PLCB1: variants seen among roughly 807,000 people sequenced by gnomAD.
PLCB1 encodes phospholipase C beta 1, also known as 1-phosphatidylinositol 4,5-bisphosphate phosphodiesterase beta-1.
A neutral mutation model predicts 161.8 loss-of-function variants in PLCB1; 46 were observed. That is an observed-to-expected ratio of 0.28 (90% CI 0.22 to 0.36). The LOEUF (loss-of-function observed/expected upper bound fraction) is 0.36, where lower values mean the gene tolerates loss of function less well. Among genes scored for constraint, PLCB1 ranks in the 10% least tolerant of loss-of-function variants. The probability of loss-of-function intolerance (pLI) is 1.00; values close to 1 mark genes in which losing one functional copy is unlikely to be tolerated. For missense variants in PLCB1, 1,016 were observed against 1,472.5 expected (o/e 0.69, Z 5.07); for synonymous variants, 517 against 503.7 (o/e 1.03, Z -0.35).
At chr20:8,618,359 T>C (rs934348176) in intron 3 of PLCB1, among the ~76,000 whole-genome samples, 9 of 152,138 alleles carry the variant, frequency 5.9e-5, no homozygotes, top group Non-Finnish European at 1.3e-4. Context: ...TTCCTTTCTA[T>C]TCCCTATTTA....
At chr20:8,788,605 TTC>T (rs770041918) in intron 28 of PLCB1, 26 bp from the exon 29 acceptor site, 1 of 1,597,894 alleles carries the variant, frequency 6.3e-7, no homozygotes, top group African/African-American at 1.3e-5. Flanking sequence ...TGCCTCTTTT[TTC>T]TCTTTTACTT....
chr20:8,808,391 T>A (rs1389173861), intron 31 of PLCB1, among the ~76,000 whole-genome samples: 1 of 152,180 alleles, frequency 6.6e-6, no homozygotes, highest in Non-Finnish European at 1.5e-5. Flanking sequence ...CTGGCACTTC[T>A]TCCTTTTCTT....
rs943481112 is a variant in PLCB1 at position 8,778,990 on chromosome 20, AT to A, written c.3111+4272del. 5.3e-4 allele frequency among the ~76,000 whole-genome samples: 80 copies of A among 152,332 alleles called. 1 individual carries two copies. The highest frequency in any genetic ancestry group is 1.9e-3 in the African/African-American group (78 of 41,568). On this transcript the variant is annotated intron_variant, in intron 27 of 31. Transcript: ENST00000338037. ...CTATCTTTGCTGGTGGTTCTAAGTA[AT>A]GAACAGGCCTCCCAGGCTAAATTAG... is the stretch of plus-strand genomic sequence containing the variant.
At chr20:8,374,568 A>G (rs769768345) in intron 3 of PLCB1, among the ~76,000 whole-genome samples, 1 of 152,220 alleles carries the variant, frequency 6.6e-6, no homozygotes, top group African/African-American at 2.4e-5. Flanking sequence ...CTAGCTGCCT[A>G]TCAGAGAATT....
intron 2 of PLCB1, among the ~76,000 whole-genome samples, chr20:8,266,265 C>G (rs1981951563): frequency 6.6e-6 from 1 of 152,188 alleles, no homozygotes; most frequent in South Asian, 2.1e-4. Flanking sequence ...TGCCTACACT[C>G]AGCTCTGTAT....
chr20:8,693,010 G>A (rs1042271246), intron 10 of PLCB1, among the ~76,000 whole-genome samples: 5 of 152,118 alleles, frequency 3.3e-5, no homozygotes, highest in African/African-American at 4.8e-5. Flanking sequence ...AGACCCTGAA[G>A]CATATCAGAA....
intron 2 of PLCB1, among the ~76,000 whole-genome samples, chr20:8,297,855 A>G (rs968077755): frequency 2.4e-4 from 34 of 144,678 alleles, no homozygotes; most frequent in Non-Finnish European, 4.5e-4. Context: ...CTCAACATTC[A>G]TTTGCTGTCT....
intron 12 of PLCB1, among the ~76,000 whole-genome samples, chr20:8,710,584 G>C (rs181898202): frequency 7.5e-6 from 1 of 132,984 alleles, no homozygotes; most frequent in Non-Finnish European, 1.5e-5. Flanking sequence ...GCACAATCCT[G>C]GTTCACTGCA....
intron 3 of PLCB1, among the ~76,000 whole-genome samples, chr20:8,564,363 C>A (rs1206801290): frequency 1.3e-5 from 2 of 151,966 alleles, no homozygotes; most frequent in Admixed American, 6.6e-5. Flanking sequence ...TAAATGTAAG[C>A]TCTAAAACCA....
At chr20:8,690,655 T>A (rs1035887820) in intron 10 of PLCB1, among the ~76,000 whole-genome samples, 2 of 152,146 alleles carry the variant, frequency 1.3e-5, no homozygotes, top group African/African-American at 4.8e-5. Context: ...ATTAGGGAGG[T>A]TACGAATCTT....
chr20:8,418,125 G>T (rs1363831026), intron 3 of PLCB1, among the ~76,000 whole-genome samples: 1 of 152,202 alleles, frequency 6.6e-6, no homozygotes, highest in Non-Finnish European at 1.5e-5. Context: ...GGTCTAGTTT[G>T]TCCTCCCTCT....
chr20:8,587,268 C>G (rs897985876), intron 3 of PLCB1, among the ~76,000 whole-genome samples: 1 of 152,070 alleles, frequency 6.6e-6, no homozygotes, highest in African/African-American at 2.4e-5. Flanking sequence ...TCCTAGGACT[C>G]ATACTAAATG....
chr20:8,866,151 G>T (rs1485851677), intron 31 of PLCB1, among the ~76,000 whole-genome samples: 3 of 152,208 alleles, frequency 2.0e-5, no homozygotes, highest in Non-Finnish European at 4.4e-5. Flanking sequence ...AACCCGATGT[G>T]TTTAGCACAG....
chr20:8,248,913 C>CGGATAAG (rs1981010797), intron 2 of PLCB1: 2 of 151,824 alleles, frequency 1.3e-5, no homozygotes, highest in Admixed American at 6.6e-5. Context: ...GACTATTCCT[C>CGGATAAG]CTAAATGAAT....
At chr20:8,319,854 G>A (rs60685896) in intron 2 of PLCB1, among the ~76,000 whole-genome samples, 5,428 of 151,220 alleles carry the variant, frequency 0.036, 352 homozygotes, top group African/African-American at 0.13. Context: ...CTTGGGGTGG[G>A]GGGAAGGGGG....
chr20:8,289,707 G>A (rs1983295911), intron 2 of PLCB1, among the ~76,000 whole-genome samples: 1 of 152,014 alleles, frequency 6.6e-6, no homozygotes, highest in South Asian at 2.1e-4. Context: ...CATCCCTCTG[G>A]TGGATCTCAC....
At chr20:8,366,935 A>G (rs1387789322) in intron 2 of PLCB1, among the ~76,000 whole-genome samples, 4 of 152,212 alleles carry the variant, frequency 2.6e-5, no homozygotes, top group Non-Finnish European at 1.5e-5. Flanking sequence ...CTAAAGATGT[A>G]TCTAATGTTA....
chr20:8,559,295 T>A (rs1438272396), intron 3 of PLCB1, among the ~76,000 whole-genome samples: 1 of 151,530 alleles, frequency 6.6e-6, no homozygotes, highest in African/African-American at 2.4e-5. Flanking sequence ...TTAGTTGTAA[T>A]CCCCAGGATA....
chr20:8,530,050 G>A (rs1371741432), intron 3 of PLCB1, among the ~76,000 whole-genome samples: 2 of 152,116 alleles, frequency 1.3e-5, no homozygotes, highest in African/African-American at 2.4e-5. Flanking sequence ...TCAATCTGGT[G>A]TGTATGAAAT....
Sources: allele counts gnomAD v4.1 joint callset (sites outside exome capture counted in the v4.1 genomes callset), GRCh38; gene constraint gnomAD v4.1.1; transcripts MANE v1.5; gene names NCBI Gene and HGNC (gene_info 2026-07-23, HGNC 2026-07-21).